PARD3: variants seen among roughly 807,000 people sequenced by gnomAD.
PARD3 encodes par-3 family cell polarity regulator.
Under a neutral mutation model 155.4 loss-of-function variants are expected in PARD3, and 75 were observed. The observed-to-expected ratio is 0.48, with a 90% CI of 0.40 to 0.58. The LOEUF is 0.58. Among genes scored for constraint, PARD3 ranks in the 20% least tolerant of loss-of-function variants. The probability of loss-of-function intolerance (pLI) is 0.00; values close to 1 mark genes in which losing one functional copy is unlikely to be tolerated. For synonymous variants in PARD3, 576 were observed against 610.5 expected, an observed-to-expected ratio of 0.94 and a Z score of 0.83; for missense variants, 1,642 against 1,721.7, an observed-to-expected ratio of 0.95 and a Z score of 0.82.
chr10:34,519,087 A>C (rs2081968230), intron 2 of PARD3, among the ~76,000 whole-genome samples: 1 of 152,230 alleles, frequency 6.6e-6, no homozygotes. Context: ...TCTGAAACAT[A>C]AATAAGGCTC....
chr10:34,541,934 T>A (rs540858445), intron 2 of PARD3, among the ~76,000 whole-genome samples: 280 of 152,064 alleles, frequency 1.8e-3, no homozygotes, highest in African/African-American at 6.4e-3. Context: ...TGGAGTGCAG[T>A]GGCATGATCA....
At chr10:34,480,937 G>A (rs1272964704) in intron 3 of PARD3, among the ~76,000 whole-genome samples, 1 of 151,610 alleles carries the variant, frequency 6.6e-6, no homozygotes, top group Non-Finnish European at 1.5e-5. Context: ...AAGTAGCTGG[G>A]ATTACAGGTG....
intron 16 of PARD3, among the ~76,000 whole-genome samples, chr10:34,338,978 C>A (rs1023895108): frequency 2.0e-5 from 3 of 152,138 alleles, no homozygotes; most frequent in African/African-American, 7.2e-5. Flanking sequence ...CATCTACCCT[C>A]AGATGCCCCT....
At chr10:34,521,607 G>T (rs2082153816) in intron 2 of PARD3, among the ~76,000 whole-genome samples, 1 of 152,066 alleles carries the variant, frequency 6.6e-6, no homozygotes, top group Non-Finnish European at 1.5e-5. Flanking sequence ...AAGTCTCCAT[G>T]AGAAAAGACA....
chr10:34,354,818 T>C (rs1838608563), intron 14 of PARD3, among the ~76,000 whole-genome samples: 2 of 152,100 alleles, frequency 1.3e-5, no homozygotes, highest in African/African-American at 4.8e-5. Flanking sequence ...TGGAGACTGG[T>C]TGATCCTGGA....
intron 2 of PARD3, among the ~76,000 whole-genome samples, chr10:34,525,909 C>T (rs970837039): frequency 6.6e-6 from 1 of 151,406 alleles, no homozygotes; most frequent in East Asian, 2.0e-4. Flanking sequence ...GGTGAAACCT[C>T]GTCTCTACTA....
intron 22 of PARD3, among the ~76,000 whole-genome samples, chr10:34,166,706 G>C (rs1949545391): frequency 6.6e-6 from 1 of 151,878 alleles, no homozygotes; most frequent in Non-Finnish European, 1.5e-5. Flanking sequence ...CCTTCTTCCA[G>C]GATGAGTGTC....
intron 22 of PARD3, among the ~76,000 whole-genome samples, chr10:34,166,921 T>C (rs1250571976): frequency 6.6e-6 from 1 of 152,240 alleles, no homozygotes; most frequent in African/African-American, 2.4e-5. Context: ...TCTGAAACTA[T>C]ACACTCTGTT....
At chr10:34,524,924 G>A (rs569181781) in intron 2 of PARD3, among the ~76,000 whole-genome samples, 1 of 152,288 alleles carries the variant, frequency 6.6e-6, no homozygotes, top group South Asian at 2.1e-4. Flanking sequence ...ATGCGATGAT[G>A]TAGTAACTAA....
chr10:34,781,515 C>A (rs1323416248), intron 1 of PARD3, among the ~76,000 whole-genome samples: 1 of 152,210 alleles, frequency 6.6e-6, no homozygotes, highest in Non-Finnish European at 1.5e-5. Flanking sequence ...ACAAAACCAA[C>A]AGCCTGATGG....
chr10:34,167,073 G>T (rs906546791), intron 22 of PARD3, among the ~76,000 whole-genome samples: 1 of 152,036 alleles, frequency 6.6e-6, no homozygotes, highest in Admixed American at 6.5e-5. Flanking sequence ...CTGCTGCAGC[G>T]TCGAGCTTGG....
chr10:34,288,110 C>CT (rs1203177996), intron 20 of PARD3, among the ~76,000 whole-genome samples: 1 of 152,098 alleles, frequency 6.6e-6, no homozygotes, highest in Non-Finnish European at 1.5e-5. Flanking sequence ...ACTCAAGGGG[C>CT]TGAGGTGTAA....
At chr10:34,190,714 T>C (rs1375609407) in intron 22 of PARD3, among the ~76,000 whole-genome samples, 1 of 152,108 alleles carries the variant, frequency 6.6e-6, no homozygotes, top group Non-Finnish European at 1.5e-5. Flanking sequence ...ATAAATGCTG[T>C]AACCAGAGGC....
At chr10:34,278,129 C>G (rs2133899890) in intron 21 of PARD3, among the ~76,000 whole-genome samples, 1 of 152,230 alleles carries the variant, frequency 6.6e-6, no homozygotes, top group Non-Finnish European at 1.5e-5. Flanking sequence ...TCACTTCAGC[C>G]TTGAACTCCT....
chr10:34,257,241 T>C (rs1181801751), intron 22 of PARD3, among the ~76,000 whole-genome samples: 2 of 152,208 alleles, frequency 1.3e-5, no homozygotes, highest in Non-Finnish European at 1.5e-5. Flanking sequence ...CATCTCACAA[T>C]GGGACTCCAC....
chr10:34,285,774 T>G (rs1429614013), intron 20 of PARD3, among the ~76,000 whole-genome samples: 1 of 152,160 alleles, frequency 6.6e-6, no homozygotes, highest in Non-Finnish European at 1.5e-5. Flanking sequence ...AGTAACACTA[T>G]GTTTGAAAGG....
At chr10:34,314,252 A>C (rs1957867897) in intron 20 of PARD3, among the ~76,000 whole-genome samples, 1 of 152,150 alleles carries the variant, frequency 6.6e-6, no homozygotes, top group African/African-American at 2.4e-5. Flanking sequence ...CATCTCAAAC[A>C]ATCAGATCCA....
At chr10:34,142,042 T>C (rs1948215308) in intron 22 of PARD3, among the ~76,000 whole-genome samples, 1 of 152,180 alleles carries the variant, frequency 6.6e-6, no homozygotes, top group Non-Finnish European at 1.5e-5. Context: ...GTGACTATTG[T>C]GAGAATGTGT....
intron 3 of PARD3, among the ~76,000 whole-genome samples, chr10:34,490,086 C>A (rs1287792153): frequency 6.6e-6 from 1 of 152,110 alleles, no homozygotes; most frequent in Non-Finnish European, 1.5e-5. Context: ...CCTTTCTCAC[C>A]TACATCTACC....
Sources: gnomAD v4.1 joint callset for allele counts (sites outside exome capture counted in the v4.1 genomes callset) on GRCh38, gnomAD v4.1.1 for gene constraint, MANE v1.5 for transcripts, NCBI Gene and HGNC (gene_info 2026-07-23, HGNC 2026-07-21) for gene names.